Variants in CRACR2A observed in about 807,000 individuals in gnomAD.
CRACR2A encodes calcium release activated channel regulator 2A, also known as EF-hand calcium-binding domain-containing protein 4B.
In CRACR2A, 79 loss-of-function variants were observed where a neutral mutation model predicts 90.5. The ratio of observed to expected loss-of-function variants is 0.87; its 90% CI spans 0.73 to 1.05. CRACR2A has a LOEUF of 1.05. Among genes scored for constraint, CRACR2A ranks in the 50% least tolerant of loss-of-function variants. The probability of loss-of-function intolerance (pLI) is 0.00; values close to 1 mark genes in which losing one functional copy is unlikely to be tolerated. For synonymous variants in CRACR2A, 338 were observed against 356.7 expected, an observed-to-expected ratio of 0.95 and a Z score of 0.59; for missense variants, 823 against 897.2, an observed-to-expected ratio of 0.92 and a Z score of 1.06.
At chr12:3,752,993 C>T (rs545584505) in intron 1 of CRACR2A, 22 bp downstream of exon 1, 1 of 152,460 alleles carries the variant, frequency 6.6e-6, no homozygotes, top group Non-Finnish European at 1.5e-5. Context: ...GGCCGCCCAC[C>T]CTCAACCTTC....
intron 4 of CRACR2A, 141 bp downstream of exon 4, chr12:3,696,631 T>C: frequency 8.1e-7 from 1 of 1,233,164 alleles, no homozygotes; most frequent in East Asian, 2.5e-5. Flanking sequence ...CTAGTAGAGT[T>C]TGGGCAGATC....
chr12:3,674,375 G>A (rs1307903163), intron 6 of CRACR2A, among the ~76,000 whole-genome samples: 22 of 152,188 alleles, frequency 1.4e-4, no homozygotes, highest in Admixed American at 1.4e-3. Context: ...ACACAGCTCA[G>A]TGACAGAGAT....
At chr12:3,693,290 G>A (rs899419957) in intron 4 of CRACR2A, among the ~76,000 whole-genome samples, 2 of 152,162 alleles carry the variant, frequency 1.3e-5, no homozygotes, top group East Asian at 1.9e-4. Context: ...GCTATGATGC[G>A]GGCCCCCAGG....
At chr12:3,751,688 C>A (rs373804943) in intron 1 of CRACR2A, among the ~76,000 whole-genome samples, 24 of 152,170 alleles carry the variant, frequency 1.6e-4, no homozygotes, top group Non-Finnish European at 3.2e-4. Context: ...ACGCCCTCTG[C>A]GAGTCACTCC....
intron 1 of CRACR2A, among the ~76,000 whole-genome samples, chr12:3,751,887 T>C (rs912454199): frequency 2.0e-5 from 3 of 152,188 alleles, no homozygotes; most frequent in African/African-American, 7.2e-5. Context: ...GTAGCTCTTA[T>C]GGGCAAATAC....
chr12:3,730,791 T>C (rs549722005), intron 2 of CRACR2A: 1 of 152,096 alleles, frequency 6.6e-6, no homozygotes, highest in African/African-American at 2.4e-5. Context: ...CAAAAAGAAA[T>C]CCTGGAAGGT....
At chr12:3,724,612 C>T (rs1045854647) in intron 2 of CRACR2A, among the ~76,000 whole-genome samples, 19 of 152,326 alleles carry the variant, frequency 1.2e-4, no homozygotes, top group Non-Finnish European at 2.2e-4. Flanking sequence ...GTTTAGATAT[C>T]TGCAGGTAGG....
At chr12:3,690,065 GATCT>G (rs1263100372) in intron 4 of CRACR2A, among the ~76,000 whole-genome samples, 1 of 151,498 alleles carries the variant, frequency 6.6e-6, no homozygotes, top group Non-Finnish European at 1.5e-5. Flanking sequence ...TTTTTCTAAT[GATCT>G]ATCTATTTTA....
At position 3,627,611 on chromosome 12, in the gene CRACR2A, G is replaced by T; in HGVS notation, c.1817+14C>A. The stretch of plus-strand genomic sequence containing the variant: ...CCTTCCCTCTGGAGCCCAGAACTTC[G>T]GGCAGCTCCTCACCTCTCCTGCCCA... On this transcript the variant is annotated intron_variant, in intron 16 of 19. Transcript: ENST00000440314. The T allele has an allele frequency of 1.3e-6, 2 of 1,551,602 alleles. No homozygotes were observed. Among genetic ancestry groups the T allele is most frequent in the South Asian group, 2.4e-5 (2 of 84,050 alleles).
chr12:3,632,138 G>A (rs760175959), intron 15 of CRACR2A, among the ~76,000 whole-genome samples: 4 of 152,108 alleles, frequency 2.6e-5, no homozygotes, highest in Non-Finnish European at 5.9e-5. Context: ...TTGTTTAGAA[G>A]TTTGTAGTAC....
chr12:3,672,650 A>C, intron 7 of CRACR2A: 1 of 594,704 alleles, frequency 1.7e-6, no homozygotes, highest in Non-Finnish European at 2.1e-6. Flanking sequence ...GACTATGAAC[A>C]GCACAGTGCC....
chr12:3,644,871 G>A (rs553410887), intron 11 of CRACR2A, among the ~76,000 whole-genome samples: 1 of 152,270 alleles, frequency 6.6e-6, no homozygotes, highest in African/African-American at 2.4e-5. Flanking sequence ...GACACCCGTG[G>A]CCCATCAGGA....
intron 4 of CRACR2A, among the ~76,000 whole-genome samples, chr12:3,687,043 C>T (rs1321699809): frequency 2.0e-5 from 3 of 152,160 alleles, no homozygotes; most frequent in East Asian, 3.9e-4. Flanking sequence ...TCTGGGTGAG[C>T]TGGCTACTTA....
rs371345137 is a variant in CRACR2A at position 3,666,599 on chromosome 12, T to G, written c.671+6847A>C. On this transcript the variant is annotated intron_variant, in intron 7 of 19. Coordinates refer to ENST00000440314, the MANE Select transcript of CRACR2A (RefSeq NM_001144958.2). ...TATCCTGCCAGCCTCCCACAGGAAC[T>G]GTGAAAATTAATTAACCTTCACAAA... 1.9e-4 allele frequency among the ~76,000 whole-genome samples: 29 copies of G among 152,366 alleles called. No homozygotes were observed. In the South Asian group the frequency reaches 6.0e-3, roughly 32 times the overall value.
At chr12:3,687,767 A>G (rs2086878211) in intron 4 of CRACR2A, among the ~76,000 whole-genome samples, 2 of 152,196 alleles carry the variant, frequency 1.3e-5, no homozygotes, top group Admixed American at 1.3e-4. Context: ...GGAATTGCAC[A>G]CTGCTTTCCA....
At chr12:3,632,662 T>G (rs890418590) in intron 15 of CRACR2A, among the ~76,000 whole-genome samples, 1 of 152,176 alleles carries the variant, frequency 6.6e-6, no homozygotes, top group Admixed American at 6.5e-5. Context: ...CTGAAGGGAA[T>G]GTGAACAAGC....
Position 3,638,257 on chromosome 12 carries a change from G to A in CRACR2A, c.1469C>T (p.Pro490Leu), listed in dbSNP as rs1944494932. 1 of 1,551,634 alleles carries A rather than the reference G, an allele frequency of 6.4e-7. No homozygotes were observed. The highest frequency in any genetic ancestry group is 8.7e-7 in the Non-Finnish European group (1 of 1,146,966). The change falls in exon 14 of 20, where the codon CCC (proline) becomes CTC (leucine). Residue 490 changes from proline (P) to leucine (L), a missense_variant. Physicochemically the swap from Pro to Leu is moderately conservative, Grantham distance 98. Coordinates refer to ENST00000440314, the MANE Select transcript of CRACR2A (RefSeq NM_001144958.2). The part of the protein sequence containing the change: ...PQLLDGGFEQ[P>L]LSKCSEEEEV... ...TTCCTCTTCTGAGCATTTGCTCAGG[G>A]GTTGCTCAAAGCCACCATCCAGGAG...
Position 3,617,023 on chromosome 12 carries a change from T to C in CRACR2A, c.2042A>G (p.Asn681Ser), listed in dbSNP as rs773902524. 21 of 1,551,020 alleles carry C rather than the reference T, an allele frequency of 1.4e-5. No individual in the cohort carries two copies. The highest frequency in any genetic ancestry group is 1.4e-5 in the African/African-American group (1 of 73,028). Residue 681 changes from asparagine to serine, a missense_variant, in exon 19 of 20, where the codon AAT becomes AGT. Transcript: ENST00000440314. ...GGCGCTGCATTCATAGAAGATCAGATTGTTCTCCTAGAATCATAAAACAGA... is the reference window on the plus strand; with the variant it reads ...GGCGCTGCATTCATAGAAGATCAGACTGTTCTCCTAGAATCATAAAACAGA... ...GLGEQLATEN[N>S]LIFYECSAYS...
Position 3,633,081 on chromosome 12 carries a change from C to T in CRACR2A, c.1735+523G>A, listed in dbSNP as rs989609837. On this transcript the variant is annotated intron_variant, in intron 15 of 19. Coordinates refer to ENST00000440314, the MANE Select transcript of CRACR2A (RefSeq NM_001144958.2). The surrounding 1 kb of genome is among the most constrained non-coding windows in gnomAD (Gnocchi z 4.5). ...AGCTTCCACATTTAAGTCCAGCTGT[C>T]GCCCAGCAGGCTGGGGACTTAGGAC... Among the ~76,000 whole-genome samples the T allele has an allele frequency of 1.3e-5, 2 of 152,180 alleles. No individual in the cohort carries two copies. The highest frequency in any genetic ancestry group is 6.5e-5 in the Admixed American group (1 of 15,274).
Sources: allele counts gnomAD v4.1 joint callset (sites outside exome capture counted in the v4.1 genomes callset), GRCh38; gene constraint gnomAD v4.1.1; non-coding constraint Gnocchi (gnomAD v3.1); transcripts MANE v1.5; gene names NCBI Gene and HGNC (gene_info 2026-07-23, HGNC 2026-07-21).